The following ROBO2 variants were observed in gnomAD, a reference collection of about 807,000 sequenced individuals.
ROBO2 encodes roundabout homolog 2.
A neutral mutation model predicts 160.8 loss-of-function variants in ROBO2; 53 were observed. The observed-to-expected ratio is 0.33, with a 90% CI of 0.26 to 0.41. The LOEUF is 0.41. Among genes scored for constraint, ROBO2 ranks in the 10% least tolerant of loss-of-function variants. The pLI, the probability that ROBO2 is intolerant of heterozygous loss-of-function variation, is 1.00. For missense variants in ROBO2, 1,577 were observed against 1,722.4 expected (o/e 0.92, Z 1.49); for synonymous variants, 664 against 611.7 (o/e 1.09, Z -1.26).
At chr3:76,627,683 A>G (rs1560263650) in intron 2 of ROBO2, among the ~76,000 whole-genome samples, 1 of 151,710 alleles carries the variant, frequency 6.6e-6, no homozygotes, top group African/African-American at 2.4e-5. Flanking sequence ...AATAAGGAAA[A>G]AAAGTGCAAT....
chr3:77,176,600 A>G (rs529359232), intron 2 of ROBO2, among the ~76,000 whole-genome samples: 1 of 152,140 alleles, frequency 6.6e-6, no homozygotes, highest in East Asian at 1.9e-4. Flanking sequence ...GTTCCATTTT[A>G]TGAATTGATT....
intron 2 of ROBO2, among the ~76,000 whole-genome samples, chr3:77,368,349 T>G (rs1008411888): frequency 1.3e-5 from 2 of 152,160 alleles, no homozygotes; most frequent in Non-Finnish European, 2.9e-5. Flanking sequence ...TATGTGCAAA[T>G]GTATGTATAA....
chr3:76,104,798 AG>A (rs2069850090), intron 2 of ROBO2, among the ~76,000 whole-genome samples: 1 of 152,202 alleles, frequency 6.6e-6, no homozygotes, highest in Non-Finnish European at 1.5e-5. Context: ...TAGGAAACTT[AG>A]GAAGTGTTTT....
At chr3:77,576,537 G>A (rs1270035587) in intron 14 of ROBO2, among the ~76,000 whole-genome samples, 2 of 152,100 alleles carry the variant, frequency 1.3e-5, no homozygotes, top group Non-Finnish European at 2.9e-5. Flanking sequence ...GAGAATCACT[G>A]AGAATAGATG....
At position 75,925,836 on chromosome 3, in the gene ROBO2, T is replaced by C. The variant is rs147607819; in HGVS notation, c.-13-11645T>C. 5.2e-3 allele frequency among the ~76,000 whole-genome samples: 798 copies of C among 152,126 alleles called. 9 individuals carry two copies. Among genetic ancestry groups the C allele is most frequent in the African/African-American group, 0.019 (773 of 41,500 alleles). ...ACTGGGAAGAAGCAGAGTTGAAAAATTGGAGATAGTTGATAGTTTTCCAGA... is the reference window on the plus strand; with the variant it reads ...ACTGGGAAGAAGCAGAGTTGAAAAACTGGAGATAGTTGATAGTTTTCCAGA... On this transcript the variant is annotated intron_variant, in intron 1 of 26. Transcript: ENST00000487694.
At chr3:77,228,023 T>A (rs1009449606) in intron 2 of ROBO2, among the ~76,000 whole-genome samples, 6 of 152,236 alleles carry the variant, frequency 3.9e-5, no homozygotes, top group African/African-American at 1.4e-4. Flanking sequence ...AACACTGTAA[T>A]TTCCTAATGT....
At chr3:77,614,935 CT>C (rs2094735965) in intron 21 of ROBO2, among the ~76,000 whole-genome samples, 1 of 152,050 alleles carries the variant, frequency 6.6e-6, no homozygotes, top group Non-Finnish European at 1.5e-5. Flanking sequence ...AGTATTTGAA[CT>C]CTTCAAATTC....
chr3:75,991,165 G>T (rs1463211446), intron 2 of ROBO2, among the ~76,000 whole-genome samples: 1 of 152,120 alleles, frequency 6.6e-6, no homozygotes, highest in Non-Finnish European at 1.5e-5. Context: ...CTATCTATGT[G>T]TGTATGTATG....
intron 2 of ROBO2, among the ~76,000 whole-genome samples, chr3:76,727,534 G>A (rs2093571350): frequency 6.6e-6 from 1 of 152,072 alleles, no homozygotes; most frequent in African/African-American, 2.4e-5. Context: ...AGAAAATGTG[G>A]TATAAACATA....
intron 2 of ROBO2, among the ~76,000 whole-genome samples, chr3:76,904,518 T>A (rs926292751): frequency 6.6e-6 from 1 of 152,166 alleles, no homozygotes; most frequent in Non-Finnish European, 1.5e-5. Context: ...GAACACATGC[T>A]TTTATTTCAG....
At chr3:77,037,220 A>G (rs1292556181), upstream of ROBO2, among the ~76,000 whole-genome samples, 1 of 152,174 alleles carries the variant, frequency 6.6e-6, no homozygotes, top group Non-Finnish European at 1.5e-5. Flanking sequence ...TTTTAGTCAC[A>G]TTTCATATCA....
chr3:77,473,284 G>GA (rs1421200133), intron 2 of ROBO2, among the ~76,000 whole-genome samples: 15 of 151,564 alleles, frequency 9.9e-5, no homozygotes, highest in Non-Finnish European at 1.6e-4. Flanking sequence ...TGTGGCGGAA[G>GA]AAAAAAATAA....
chr3:76,979,725 A>T (rs28675320), intron 2 of ROBO2, among the ~76,000 whole-genome samples: 38,534 of 149,936 alleles, frequency 0.26, 5,723 homozygotes, highest in African/African-American at 0.43. Context: ...GAAAAGTAAC[A>T]TCTTCCAATT....
intron 2 of ROBO2, among the ~76,000 whole-genome samples, chr3:75,948,902 G>T (rs1228401390): frequency 6.6e-6 from 1 of 152,046 alleles, no homozygotes; most frequent in African/African-American, 2.4e-5. Flanking sequence ...ACTAATGTCT[G>T]GTTAACATCT....
chr3:75,979,324 G>A (rs866317535), intron 2 of ROBO2, among the ~76,000 whole-genome samples: 1 of 151,448 alleles, frequency 6.6e-6, no homozygotes, highest in Non-Finnish European at 1.5e-5. Context: ...TATAGAGAGA[G>A]ATAATAATAG....
At chr3:75,937,716 G>T in intron 2 of ROBO2, 1 of 583,240 alleles carries the variant, frequency 1.7e-6, no homozygotes, top group South Asian at 3.3e-5. Context: ...TTTTCCCCCA[G>T]GTTTTTGTTA....
intron 2 of ROBO2, among the ~76,000 whole-genome samples, chr3:77,154,762 GGAACAGAAAA>G (rs2077845751): frequency 1.3e-5 from 2 of 151,968 alleles, no homozygotes; most frequent in Admixed American, 6.6e-5. Context: ...GATCATGGCA[GGAACAGAAAA>G]CCAAATACTC....
chr3:76,000,362 GTTC>G (rs1559819443), intron 2 of ROBO2, among the ~76,000 whole-genome samples: 1 of 152,100 alleles, frequency 6.6e-6, no homozygotes, highest in African/African-American at 2.4e-5. Context: ...TTCTTTTAGA[GTTC>G]TTCATAGTTT....
chr3:76,200,893 G>T (rs547380560), intron 2 of ROBO2, among the ~76,000 whole-genome samples: 2 of 152,156 alleles, frequency 1.3e-5, no homozygotes, highest in South Asian at 2.1e-4. Flanking sequence ...TACAAAACTA[G>T]CATGTGGGTT....
Sources: gnomAD v4.1 joint callset for allele counts (sites outside exome capture counted in the v4.1 genomes callset) on GRCh38, gnomAD v4.1.1 for gene constraint, MANE v1.5 for transcripts, NCBI Gene and HGNC (gene_info 2026-07-23, HGNC 2026-07-21) for gene names.